SOX5: variants seen among roughly 807,000 people sequenced by gnomAD.
SOX5 encodes the protein SRY-box transcription factor 5.
Under a neutral mutation model 92.0 loss-of-function variants are expected in SOX5, and 9 were observed. The ratio of observed to expected loss-of-function variants is 0.10; its 90% CI spans 0.06 to 0.17. The LOEUF (loss-of-function observed/expected upper bound fraction) is 0.17, where lower values mean the gene tolerates loss of function less well. Ranked by LOEUF, SOX5 falls within the 10% of genes least tolerant of loss-of-function variation. The pLI, the probability that SOX5 is intolerant of heterozygous loss-of-function variation, is 1.00. For synonymous variants in SOX5, 344 were observed against 336.3 expected, an observed-to-expected ratio of 1.02 and a Z score of -0.25; for missense variants, 642 against 944.5, an observed-to-expected ratio of 0.68 and a Z score of 4.20.
At chr12:23,709,693 C>T (rs73282023) in intron 6 of SOX5, among the ~76,000 whole-genome samples, 15 of 152,188 alleles carry the variant, frequency 9.9e-5, no homozygotes, top group African/African-American at 3.1e-4. Context: ...TGACAGTTCT[C>T]CTACTGGTTA....
chr12:24,387,562 A>C (rs1958551876), intron 1 of SOX5, among the ~76,000 whole-genome samples: 1 of 152,034 alleles, frequency 6.6e-6, no homozygotes, highest in African/African-American at 2.4e-5. Context: ...CCCTCTTCAA[A>C]TCACTCCAGG....
intron 1 of SOX5, among the ~76,000 whole-genome samples, chr12:24,377,491 A>C (rs1278315341): frequency 6.6e-6 from 1 of 152,226 alleles, no homozygotes; most frequent in African/African-American, 2.4e-5. Flanking sequence ...GTTACTGAAA[A>C]TTTACTTTCA....
chr12:23,699,319 A>T (rs2090306471), intron 6 of SOX5, among the ~76,000 whole-genome samples: 1 of 152,080 alleles, frequency 6.6e-6, no homozygotes, highest in South Asian at 2.1e-4. Context: ...CAATGTTTGA[A>T]CACCTTTGTC....
chr12:23,967,488 G>C (rs1226407719), intron 4 of SOX5, among the ~76,000 whole-genome samples: 6 of 151,938 alleles, frequency 3.9e-5, no homozygotes, highest in Non-Finnish European at 7.4e-5. Context: ...ATATACAGTA[G>C]AAATAAGATA....
chr12:24,069,667 T>C (rs1472900770), intron 4 of SOX5, among the ~76,000 whole-genome samples: 1 of 152,184 alleles, frequency 6.6e-6, no homozygotes, highest in Non-Finnish European at 1.5e-5. Context: ...CTAAAACTCT[T>C]GAAGCATTTT....
At chr12:24,279,586 C>T (rs1944917347) in intron 2 of SOX5, among the ~76,000 whole-genome samples, 2 of 151,996 alleles carry the variant, frequency 1.3e-5, no homozygotes, top group Admixed American at 1.3e-4. Flanking sequence ...ATGAACTTTC[C>T]TTTCCTAGAG....
intron 3 of SOX5, among the ~76,000 whole-genome samples, chr12:23,802,014 TA>T (rs1204428784): frequency 2.6e-5 from 4 of 152,148 alleles, no homozygotes; most frequent in African/African-American, 9.7e-5. Flanking sequence ...AGAATAAAAT[TA>T]AAAATATTAC....
At chr12:24,078,729 T>G (rs1021120180) in intron 4 of SOX5, among the ~76,000 whole-genome samples, 1 of 152,066 alleles carries the variant, frequency 6.6e-6, no homozygotes, top group African/African-American at 2.4e-5. Flanking sequence ...ATTATCTCTA[T>G]GCTCTCCACA....
chr12:23,796,417 T>C lies in SOX5; in HGVS notation c.482-40693A>G, dbSNP rs1482480267. Among the ~76,000 whole-genome samples, 3 of 152,096 alleles carry C rather than the reference T, an allele frequency of 2.0e-5. No homozygotes were observed. The East Asian group carries it at 5.8e-4, about 29-fold the overall frequency. On this transcript the variant is annotated intron_variant, in intron 3 of 14. Coordinates refer to ENST00000451604, the MANE Select transcript of SOX5 (RefSeq NM_006940.6). ...ATTTGAATGAGTAGTTTGAATTTCA[T>C]AAGTTAACAGCAGTCAAAGGTCACA...
intron 1 of SOX5, among the ~76,000 whole-genome samples, chr12:24,441,972 G>A (rs1220100694): frequency 6.6e-6 from 1 of 152,168 alleles, no homozygotes; most frequent in East Asian, 1.9e-4. Context: ...TGGATTTAAG[G>A]AGGTAGGAAA....
chr12:24,140,105 C>T (rs945744642), intron 4 of SOX5, among the ~76,000 whole-genome samples: 1 of 152,170 alleles, frequency 6.6e-6, no homozygotes, highest in African/African-American at 2.4e-5. Context: ...AATACCTATA[C>T]CATATTTCAC....
chr12:24,217,499 T>C (rs957146733), intron 3 of SOX5, among the ~76,000 whole-genome samples: 3 of 152,186 alleles, frequency 2.0e-5, no homozygotes, highest in African/African-American at 7.2e-5. Context: ...TAACTCAAAA[T>C]GGATGACATA....
At chr12:23,673,478 T>C (rs2085136400) in intron 6 of SOX5, among the ~76,000 whole-genome samples, 2 of 152,276 alleles carry the variant, frequency 1.3e-5, no homozygotes, top group East Asian at 1.9e-4. Context: ...CATGCATTAC[T>C]ACATTAATGG....
At chr12:24,369,680 T>C (rs1161940685) in intron 1 of SOX5, among the ~76,000 whole-genome samples, 4 of 152,232 alleles carry the variant, frequency 2.6e-5, no homozygotes, top group Admixed American at 2.6e-4. Context: ...TTTCAATGCA[T>C]TCTGAGTCTT....
chr12:23,773,388 TTGAGACA>T (rs2094996784), intron 3 of SOX5, among the ~76,000 whole-genome samples: 2 of 152,254 alleles, frequency 1.3e-5, no homozygotes, highest in South Asian at 4.2e-4. Flanking sequence ...TATTTATTTA[TTGAGACA>T]GAGTCTCACT....
At chr12:23,839,459 C>A (rs2096484586) in intron 3 of SOX5, among the ~76,000 whole-genome samples, 1 of 151,950 alleles carries the variant, frequency 6.6e-6, no homozygotes, top group African/African-American at 2.4e-5. Flanking sequence ...AAATGAAAAT[C>A]AAAAATTAAC....
Position 24,274,825 on chromosome 12 carries a change from G to A in SOX5, c.-77+2391C>T, listed in dbSNP as rs149496005. Among the ~76,000 whole-genome samples, 168 of 151,028 alleles carry A rather than the reference G, an allele frequency of 1.1e-3. 1 individual carries two copies. Among genetic ancestry groups the A allele is most frequent in the African/African-American group, 3.5e-3 (142 of 40,694 alleles). On this transcript the variant is annotated intron_variant, in intron 3 of 4. Coordinates refer to the SOX5 transcript ENST00000446891. ...AAAAAAATCTTAATCCAGAACTGCAGTACTCAACCTCTTCCACTTATACAC... is the reference window on the plus strand; with the variant it reads ...AAAAAAATCTTAATCCAGAACTGCAATACTCAACCTCTTCCACTTATACAC...
At chr12:23,871,158 T>C (rs962564740) in intron 2 of SOX5, among the ~76,000 whole-genome samples, 8 of 152,184 alleles carry the variant, frequency 5.3e-5, no homozygotes, top group African/African-American at 1.7e-4. Context: ...GCTCACATAT[T>C]AAACTAAAAG....
intron 3 of SOX5, among the ~76,000 whole-genome samples, chr12:23,785,731 A>G (rs992924875): frequency 1.3e-5 from 2 of 152,174 alleles, no homozygotes; most frequent in East Asian, 3.9e-4. Flanking sequence ...GAATATACAT[A>G]TGCCCAGACA....
Sources: allele counts gnomAD v4.1 joint callset (sites outside exome capture counted in the v4.1 genomes callset), GRCh38; gene constraint gnomAD v4.1.1; transcripts MANE v1.5; gene names NCBI Gene and HGNC (gene_info 2026-07-23, HGNC 2026-07-21).